The following MCU variants were observed in gnomAD, a reference collection of about 807,000 sequenced individuals.
The protein encoded by MCU is calcium uniporter protein, mitochondrial.
A neutral mutation model predicts 45.2 loss-of-function variants in MCU; 12 were observed. That is an observed-to-expected ratio of 0.27 (90% CI 0.17 to 0.43). MCU has a LOEUF of 0.43. Among genes scored for constraint, MCU ranks in the 20% least tolerant of loss-of-function variants. The pLI is 1.00. For missense variants in MCU, 324 were observed against 436.7 expected (o/e 0.74, Z 2.30); for synonymous variants, 160 against 165.1 (o/e 0.97, Z 0.24).
intron 1 of MCU, among the ~76,000 whole-genome samples, chr10:72,832,691 G>A (rs188179534): frequency 1.9e-4 from 29 of 152,240 alleles, no homozygotes; most frequent in African/African-American, 4.8e-4. Flanking sequence ...TTTACTCTAT[G>A]CCAGGCATGT....
intron 5 of MCU, among the ~76,000 whole-genome samples, chr10:72,870,499 G>T (rs1827826242): frequency 6.6e-6 from 1 of 152,092 alleles, no homozygotes; most frequent in Non-Finnish European, 1.5e-5. Flanking sequence ...AGCCAGGATG[G>T]TCGCGATCTC....
chr10:72,751,341 CTTTTTTTTTTT>C (rs71021528), intron 1 of MCU, among the ~76,000 whole-genome samples: 544 of 44,754 alleles, frequency 0.012, 6 homozygotes, highest in African/African-American at 0.041. Context: ...TCTTCTTCTT[CTTTTTTTTTTT>C]TTTTTTTTTT....
At chr10:72,708,030 A>G (rs1450021467) in intron 1 of MCU, among the ~76,000 whole-genome samples, 1 of 152,222 alleles carries the variant, frequency 6.6e-6, no homozygotes, top group Non-Finnish European at 1.5e-5. Context: ...GTACTTTACA[A>G]GTAATTATGT....
chr10:72,773,586 T>A (rs1843844560), intron 1 of MCU, among the ~76,000 whole-genome samples: 1 of 152,148 alleles, frequency 6.6e-6, no homozygotes, highest in Admixed American at 6.5e-5. Flanking sequence ...TAATAACAGG[T>A]AATTTTTTAA....
At chr10:72,728,967 C>A (rs1237652780) in intron 1 of MCU, among the ~76,000 whole-genome samples, 29 of 152,114 alleles carry the variant, frequency 1.9e-4, no homozygotes, top group Admixed American at 1.9e-3. Flanking sequence ...ATGAAGCCTT[C>A]TGTTTTTATT....
intron 1 of MCU, among the ~76,000 whole-genome samples, chr10:72,733,107 G>A (rs148086853): frequency 1.3e-5 from 2 of 152,296 alleles, no homozygotes; most frequent in South Asian, 2.1e-4. Context: ...GAGTGACCTC[G>A]GACAAGGGAA....
chr10:72,771,716 C>T (rs1843811005), intron 1 of MCU, among the ~76,000 whole-genome samples: 1 of 152,108 alleles, frequency 6.6e-6, no homozygotes, highest in Non-Finnish European at 1.5e-5. Context: ...AGGTTTGTTA[C>T]ATAAGCATAC....
At chr10:72,694,482 C>A (rs894503177) in intron 1 of MCU, among the ~76,000 whole-genome samples, 2 of 152,296 alleles carry the variant, frequency 1.3e-5, no homozygotes, top group Admixed American at 6.5e-5. Context: ...TTACTATTGT[C>A]CATTATGAAA....
In MCU at chr10:72,806,152, CTT is replaced by C. The variant is rs774464297; in HGVS notation, c.151-28186_151-28185del. Among the ~76,000 whole-genome samples the C allele has an allele frequency of 1.2e-3, 143 of 120,180 alleles. 1 individual carries two copies. Among genetic ancestry groups the C allele is most frequent in the African/African-American group, 3.9e-3 (125 of 31,760 alleles). The allele number at this position is 120,180 out of a possible 152,430, so 78.8% of individuals were successfully genotyped here. Reference sequence around the variant, plus strand: ...TAGGTAGGGAATGGGCCATGAAGAGCTTTTTTTTTTTTTTTTTTTTTTGAGAC... The same window carrying C: ...TAGGTAGGGAATGGGCCATGAAGAGCTTTTTTTTTTTTTTTTTTTTGAGAC... On this transcript the variant is annotated intron_variant, in intron 1 of 7. Coordinates refer to ENST00000373053, the MANE Select transcript of MCU (RefSeq NM_138357.3).
intron 2 of MCU, among the ~76,000 whole-genome samples, chr10:72,854,585 A>T (rs1408518892): frequency 1.3e-5 from 2 of 152,216 alleles, no homozygotes; most frequent in African/African-American, 4.8e-5. Context: ...GTGATATGGT[A>T]AAGATGTATA....
chr10:72,845,067 A>G (rs1240598362), intron 2 of MCU, among the ~76,000 whole-genome samples: 1 of 152,176 alleles, frequency 6.6e-6, no homozygotes, highest in Non-Finnish European at 1.5e-5. Flanking sequence ...TATTTCTAAA[A>G]CTATAATAAT....
intron 7 of MCU, among the ~76,000 whole-genome samples, chr10:72,884,646 A>C (rs1052214150): frequency 2.9e-5 from 4 of 137,768 alleles, no homozygotes; most frequent in Non-Finnish European, 4.8e-5. Context: ...GCCTACTTTT[A>C]CTTTTTTTTT....
chr10:72,775,027 A>G (rs1843869321), intron 1 of MCU, among the ~76,000 whole-genome samples: 1 of 152,108 alleles, frequency 6.6e-6, no homozygotes, highest in Non-Finnish European at 1.5e-5. Context: ...TCTGAGTTAA[A>G]CTACACACTA....
intron 1 of MCU, among the ~76,000 whole-genome samples, chr10:72,752,970 T>G (rs1843523992): frequency 6.6e-6 from 1 of 152,204 alleles, no homozygotes; most frequent in Non-Finnish European, 1.5e-5. Flanking sequence ...ATCATAACAG[T>G]CTGCTGGTTT....
chr10:72,832,952 G>GTGTGTGTGTGTGTGTGTGTGTT (rs1844901626), intron 1 of MCU, among the ~76,000 whole-genome samples: 1 of 151,918 alleles, frequency 6.6e-6, no homozygotes, highest in Non-Finnish European at 1.5e-5. Flanking sequence ...GTGTGTGTGT[G>GTGTGTGTGTGTGTGTGTGTGTT]TGTGTGTGTC....
At chr10:72,771,152 A>T (rs1195733810) in intron 1 of MCU, among the ~76,000 whole-genome samples, 1 of 152,096 alleles carries the variant, frequency 6.6e-6, no homozygotes, top group Non-Finnish European at 1.5e-5. Flanking sequence ...GCACCCATCA[A>T]CCCGTCATTT....
intron 1 of MCU, among the ~76,000 whole-genome samples, chr10:72,762,345 G>A (rs1451959562): frequency 2.0e-5 from 3 of 151,924 alleles, no homozygotes; most frequent in South Asian, 2.1e-4. Flanking sequence ...TGAGAAAAAG[G>A]GAATCCTCCC....
chr10:72,863,484 T>C (rs186178736), intron 4 of MCU, among the ~76,000 whole-genome samples: 1 of 152,290 alleles, frequency 6.6e-6, no homozygotes, highest in East Asian at 1.9e-4. Flanking sequence ...AAGATATTCT[T>C]TAAATACAGT....
At chr10:72,816,164 C>G (rs529296994) in intron 1 of MCU, among the ~76,000 whole-genome samples, 2 of 152,012 alleles carry the variant, frequency 1.3e-5, no homozygotes, top group South Asian at 2.1e-4. Context: ...GAGTGAGACT[C>G]CATCTCAAAA....
Sources: allele counts gnomAD v4.1 joint callset (sites outside exome capture counted in the v4.1 genomes callset), GRCh38; gene constraint gnomAD v4.1.1; transcripts MANE v1.5; gene names NCBI Gene and HGNC (gene_info 2026-07-23, HGNC 2026-07-21).